Variants in SLC49A4 observed in about 807,000 individuals in gnomAD.
The protein encoded by SLC49A4 is disrupted in renal cancer protein 2.
In SLC49A4, 36 loss-of-function variants were observed where a neutral mutation model predicts 50.6. The observed-to-expected ratio is 0.71, with a 90% CI of 0.55 to 0.94. The LOEUF (loss-of-function observed/expected upper bound fraction) is 0.94, where lower values mean the gene tolerates loss of function less well. SLC49A4 is among the 40% of genes least tolerant of loss of function. SLC49A4 has a pLI of 0.00. For missense variants in SLC49A4, 503 were observed against 605.7 expected (o/e 0.83, Z 1.78); for synonymous variants, 248 against 241.2 (o/e 1.03, Z -0.26).
At chr3:122,806,721 T>TC (rs2107556946) in intron 1 of SLC49A4, 136 bp from the exon 2 acceptor site, 2 of 599,974 alleles carry the variant, frequency 3.3e-6, no homozygotes, top group Non-Finnish European at 5.9e-6. Flanking sequence ...TTTTTTTTTT[T>TC]CCATTTTTAA....
intron 4 of SLC49A4, among the ~76,000 whole-genome samples, chr3:122,837,762 G>C (rs1404645050): frequency 6.6e-6 from 1 of 151,296 alleles, no homozygotes; most frequent in African/African-American, 2.4e-5. Context: ...ACTACCATCA[G>C]AGTGAACAGG....
At chr3:122,838,545 A>C (rs1390738951) in intron 4 of SLC49A4, among the ~76,000 whole-genome samples, 1 of 101,368 alleles carries the variant, frequency 9.9e-6, no homozygotes, top group Non-Finnish European at 1.9e-5. Context: ...ATCACACACC[A>C]GGGACTGTTG....
intron 8 of SLC49A4, among the ~76,000 whole-genome samples, chr3:122,876,050 C>T (rs897545354): frequency 2.6e-5 from 4 of 151,910 alleles, no homozygotes; most frequent in Non-Finnish European, 4.4e-5. Flanking sequence ...TTCAAGGTCA[C>T]TTTCAAAAAA....
At chr3:122,833,276 TG>T (rs770978469) in intron 3 of SLC49A4, 40 bp from the exon 4 acceptor site, 5 of 1,592,140 alleles carry the variant, frequency 3.1e-6, no homozygotes, top group Non-Finnish European at 3.4e-6. Context: ...TTCAACTTTT[TG>T]TGTTTCCTGG....
rs749177851 is a variant in SLC49A4 at position 122,827,107 on chromosome 3, TATCTCAATC to T, written c.703+47_703+55del. 10 of 1,577,150 alleles carry T rather than the reference TATCTCAATC, an allele frequency of 6.3e-6. No individual in the cohort carries two copies. In the South Asian group the frequency reaches 6.9e-5, roughly 11 times the overall value. ...TTTCTTCTTGTTATACTTTGTCTTT[TATCTCAATC>T]ATCTTCACTCTACTTTTTGTATAAC... On this transcript the variant is annotated intron_variant, in intron 3 of 8. Coordinates refer to ENST00000261038, the MANE Select transcript of SLC49A4 (RefSeq NM_032839.3).
chr3:122,863,682 T>C (rs1937082734), intron 7 of SLC49A4, among the ~76,000 whole-genome samples: 1 of 152,252 alleles, frequency 6.6e-6, no homozygotes, highest in South Asian at 2.1e-4. Context: ...TGTTTCTTTT[T>C]TACTGGTCAT....
intron 5 of SLC49A4, among the ~76,000 whole-genome samples, chr3:122,850,111 T>C (rs576926144): frequency 6.6e-6 from 1 of 152,354 alleles, no homozygotes; most frequent in South Asian, 2.1e-4. Context: ...TGGAGTTATT[T>C]CTAAATAGAA....
intron 2 of SLC49A4, among the ~76,000 whole-genome samples, chr3:122,820,996 CG>C (rs932781048): frequency 6.6e-6 from 1 of 152,192 alleles, no homozygotes; most frequent in African/African-American, 2.4e-5. Flanking sequence ...GTAATTGAAT[CG>C]GGGGTGGTTA....
rs1332830632 is a variant in SLC49A4, at chr3:122,795,473, T to G, written c.281T>G (p.Val94Gly). 6.2e-7 allele frequency: 1 copy of G among 1,606,548 alleles called. No individual in the cohort carries two copies. The change falls in exon 1 of 9, where the codon GTG becomes GGG. Residue 94 changes from valine to glycine, a missense_variant. Physicochemically the swap from Val to Gly is moderately radical, Grantham distance 109 (BLOSUM62 -3). Coordinates refer to ENST00000261038, the MANE Select transcript of SLC49A4 (RefSeq NM_032839.3). ...GFSSWDIALL[V>G]LWGPIGFLPC... ...TCCAGCTGGGACATCGCGCTGCTCGTGCTGTGGGGGCCCATCGGCTTCCTG... is the reference window on the plus strand; with the variant it reads ...TCCAGCTGGGACATCGCGCTGCTCGGGCTGTGGGGGCCCATCGGCTTCCTG...
At chr3:122,842,015 A>T (rs1316431763) in intron 4 of SLC49A4, among the ~76,000 whole-genome samples, 2 of 152,250 alleles carry the variant, frequency 1.3e-5, no homozygotes, top group Non-Finnish European at 2.9e-5. Flanking sequence ...ATCGTTTTTT[A>T]AAAACAATGC....
intron 7 of SLC49A4, among the ~76,000 whole-genome samples, chr3:122,869,388 T>A (rs1356144135): frequency 6.6e-6 from 1 of 152,238 alleles, no homozygotes; most frequent in East Asian, 1.9e-4. Flanking sequence ...GTTATTAATA[T>A]TATTATAATA....
At chr3:122,866,322 G>T (rs2107581818) in intron 7 of SLC49A4, among the ~76,000 whole-genome samples, 1 of 151,220 alleles carries the variant, frequency 6.6e-6, no homozygotes, top group Non-Finnish European at 1.5e-5. Flanking sequence ...GATTGCAGAT[G>T]TGAGCCCCAT....
At position 122,856,311 on chromosome 3, in the gene SLC49A4, A is replaced by G; in HGVS notation, c.947A>G (p.Asp316Gly). The change falls in exon 6 of 9, where the codon GAT becomes GGT. Residue 316 changes from aspartate (D) to glycine (G), a missense_variant. Transcript: ENST00000261038. ...TGTCTGCTTCTTTCTTAACAGGTAG[A>G]TGCTGGCTGGATTGGATTTTGGTCC... ...ILTPAHVSQV[D>G]AGWIGFWSIV... 2 of 1,613,962 alleles carry G rather than the reference A, an allele frequency of 1.2e-6. No individual in the cohort carries two copies. The highest frequency in any genetic ancestry group is 1.7e-6 in the Non-Finnish European group (2 of 1,179,928).
chr3:122,846,913 A>T (rs1454754786), intron 5 of SLC49A4, among the ~76,000 whole-genome samples: 1 of 152,150 alleles, frequency 6.6e-6, no homozygotes, highest in Non-Finnish European at 1.5e-5. Flanking sequence ...ACTTTGGGGG[A>T]CTCCAGTAAT....
intron 2 of SLC49A4, among the ~76,000 whole-genome samples, chr3:122,824,919 G>A (rs1184471847): frequency 1.3e-5 from 2 of 151,580 alleles, no homozygotes; most frequent in Non-Finnish European, 2.9e-5. Context: ...TTTTAGAGGA[G>A]GTGGGGTTTT....
intron 4 of SLC49A4, among the ~76,000 whole-genome samples, chr3:122,841,257 T>C (rs1364415780): frequency 6.6e-6 from 1 of 152,256 alleles, no homozygotes; most frequent in East Asian, 1.9e-4. Flanking sequence ...GCAGACATTT[T>C]ATTTTGCTCT....
chr3:122,859,952 T>C (rs1467622158), intron 6 of SLC49A4, 123 bp from the exon 7 acceptor site: 2 of 931,080 alleles, frequency 2.1e-6, no homozygotes, highest in African/African-American at 3.4e-5. Context: ...AAAAAAACAC[T>C]GAAAACTGTC....
intron 3 of SLC49A4, among the ~76,000 whole-genome samples, chr3:122,829,442 T>TA (rs1936580620): frequency 6.6e-6 from 1 of 152,136 alleles, no homozygotes; most frequent in South Asian, 2.1e-4. Context: ...CTCAACCTAA[T>TA]AAAAAGCATC....
At chr3:122,814,860 GTTC>G (rs749732732) in intron 2 of SLC49A4, among the ~76,000 whole-genome samples, 7 of 151,982 alleles carry the variant, frequency 4.6e-5, no homozygotes, top group Non-Finnish European at 8.8e-5. Flanking sequence ...GCCCAAGACG[GTTC>G]TTCTTCTTCC....
Sources: gnomAD v4.1 joint callset for allele counts (sites outside exome capture counted in the v4.1 genomes callset) on GRCh38, gnomAD v4.1.1 for gene constraint, MANE v1.5 for transcripts, NCBI Gene and HGNC (gene_info 2026-07-23, HGNC 2026-07-21) for gene names.